The following KLHL15 variants were observed in gnomAD, a reference collection of about 807,000 sequenced individuals.
KLHL15 encodes kelch like family member 15, also known as kelch-like protein 15.
KLHL15 carries 1 observed loss-of-function variant against 29.3 expected under a neutral mutation model. The observed-to-expected ratio is 0.03, with a 90% CI of 0.01 to 0.16. The LOEUF is 0.16. Among genes scored for constraint, KLHL15 ranks in the 10% least tolerant of loss-of-function variants. The pLI is 1.00. For missense variants in KLHL15, 215 were observed against 478.5 expected, an observed-to-expected ratio of 0.45 and a Z score of 5.14; for synonymous variants, 212 against 184.5, an observed-to-expected ratio of 1.15 and a Z score of -1.21.
chrX:24,021,999 C>T (rs963352467), intron 2 of KLHL15, among the ~76,000 whole-genome samples: 1 of 111,522 alleles, frequency 9.0e-6, no homozygotes, highest in African/African-American at 3.3e-5. Flanking sequence ...CCACCTACAT[C>T]ATTTGCGGGG....
chrX:24,002,608 T>G (rs1383353823), intron 3 of KLHL15, among the ~76,000 whole-genome samples: 1 of 109,553 alleles, frequency 9.1e-6, no homozygotes, highest in Non-Finnish European at 1.9e-5. Context: ...GCTATGTTTT[T>G]TTTTTTTTTT....
chrX:23,991,601 A>G (rs984358216), intron 3 of KLHL15, among the ~76,000 whole-genome samples: 11 of 111,759 alleles, frequency 9.8e-5, no homozygotes, highest in Non-Finnish European at 1.7e-4. Flanking sequence ...CAGCACTTTG[A>G]CAGGCCGAGG....
chrX:23,995,107 TACAC>T (rs776165981), intron 3 of KLHL15, among the ~76,000 whole-genome samples: 2 of 111,344 alleles, frequency 1.8e-5, no homozygotes, highest in African/African-American at 6.5e-5. Flanking sequence ...TGTATACACA[TACAC>T]ACACACACGC....
At chrX:24,023,445 G>C (rs897572441) in intron 2 of KLHL15, among the ~76,000 whole-genome samples, 5 of 111,987 alleles carry the variant, frequency 4.5e-5, no homozygotes, top group African/African-American at 1.6e-4. Context: ...ACTGGTATTG[G>C]ACTAGAGGAT....
intron 3 of KLHL15, 54 bp downstream of exon 3, chrX:24,005,935 T>C: frequency 1.1e-6 from 1 of 915,459 alleles, no homozygotes; most frequent in Non-Finnish European, 1.5e-6. Context: ...TATAAAGACA[T>C]ACACTGCCTT....
At chrX:24,008,860 C>T in intron 2 of KLHL15, among the ~76,000 whole-genome samples, 1 of 93,210 alleles carries the variant, frequency 1.1e-5, no homozygotes, top group African/African-American at 4.7e-5. Context: ...GCTCTACTCC[C>T]ACGCGTGTTA....
chrX:24,010,057 A>C (rs139505434), intron 2 of KLHL15, among the ~76,000 whole-genome samples: 1 of 109,752 alleles, frequency 9.1e-6, no homozygotes, highest in African/African-American at 3.3e-5. Context: ...CAATGTTCAC[A>C]TAAGATCAGC....
intron 3 of KLHL15, among the ~76,000 whole-genome samples, chrX:23,999,487 C>T: frequency 9.4e-6 from 1 of 105,974 alleles, no homozygotes; most frequent in Middle Eastern, 5.0e-3. Context: ...CCCAGCTACT[C>T]GGGAGGCTGA....
chrX:24,002,852 T>G (rs1929358168), intron 3 of KLHL15, among the ~76,000 whole-genome samples: 1 of 112,288 alleles, frequency 8.9e-6, no homozygotes, highest in African/African-American at 3.2e-5. Context: ...GTTCCCCAAC[T>G]CCTGGGCTCA....
chrX:24,014,932 T>A (rs775594364), intron 2 of KLHL15, among the ~76,000 whole-genome samples: 1 of 112,350 alleles, frequency 8.9e-6, no homozygotes, highest in South Asian at 3.7e-4. Flanking sequence ...GGCACCCACT[T>A]CTGTCTGCCA....
intron 2 of KLHL15, among the ~76,000 whole-genome samples, chrX:24,012,469 T>C (rs1321482398): frequency 9.0e-6 from 1 of 111,404 alleles, no homozygotes; most frequent in Non-Finnish European, 1.9e-5. Context: ...GGCTCACTTT[T>C]CTTGAGCTAC....
chrX:23,989,502 C>T (rs774661705), intron 3 of KLHL15, among the ~76,000 whole-genome samples: 3 of 111,436 alleles, frequency 2.7e-5, no homozygotes, highest in South Asian at 3.7e-4. Flanking sequence ...TTATAATGAT[C>T]TATGTACATT....
rs1929022707 is a variant in KLHL15 at position 23,988,456 on chromosome X, T to C, written c.1280A>G (p.Lys427Arg). ...YGHEGTVLNN[K>R]LFITGGITSS... The stretch of plus-strand genomic sequence containing the variant: ...GGTGATTCCACCGGTGATAAACAAT[T>C]TGTTATTGAGCACTGTCCCCTCATG... Residue 427 changes from lysine to arginine, a missense_variant, in exon 4 of 4, where the codon AAA becomes AGA. Transcript: ENST00000328046. 3.3e-6 allele frequency: 4 copies of C among 1,209,672 alleles called. No homozygotes were observed. In the Admixed American group the frequency reaches 8.8e-5, roughly 26 times the overall value.
At chrX:24,017,642 G>A (rs767933368) in intron 2 of KLHL15, among the ~76,000 whole-genome samples, 12 of 109,007 alleles carry the variant, frequency 1.1e-4, no homozygotes, top group African/African-American at 3.7e-4. Context: ...TTAGTCAGAC[G>A]TGGTGGTGTG....
intron 2 of KLHL15, among the ~76,000 whole-genome samples, chrX:24,010,078 CTG>C (rs1270638869): frequency 9.1e-6 from 1 of 109,965 alleles, no homozygotes; most frequent in East Asian, 2.9e-4. Flanking sequence ...CATCCAAAAA[CTG>C]TAAGTCAAAA....
chrX:24,022,877 G>A (rs1929842261), intron 2 of KLHL15, among the ~76,000 whole-genome samples: 1 of 108,015 alleles, frequency 9.3e-6, no homozygotes, highest in African/African-American at 3.4e-5. Flanking sequence ...TGGGATTACA[G>A]GCGCCCGCCA....
At chrX:24,021,284 C>G (rs1289313318) in intron 2 of KLHL15, among the ~76,000 whole-genome samples, 3 of 110,790 alleles carry the variant, frequency 2.7e-5, no homozygotes, top group Non-Finnish European at 5.7e-5. Context: ...AACTTAAGGC[C>G]TCTCTACACC....
In KLHL15 at chrX:23,988,764, G is replaced by A. The variant is rs144704626; in HGVS notation, c.972C>T (p.Ile324=). 7.4e-6 allele frequency: 9 copies of A among 1,210,066 alleles called. No homozygotes were observed. The highest frequency in any genetic ancestry group is 1.0e-5 in the Non-Finnish European group (9 of 895,325). Residue 324 remains isoleucine, a synonymous_variant, in exon 4 of 4, where the codon ATC becomes ATT. Transcript: ENST00000328046. ...QVPLRPDCLA[I]VNNFVFLLGG... is the part of the protein sequence containing the mutation. ...CTAACAGGAACACAAAATTATTGAC[G>A]ATAGCAAGGCAGTCAGGTCGCAGAG...
chrX:24,002,088 G>A (rs1229071638), intron 3 of KLHL15, among the ~76,000 whole-genome samples: 1 of 109,997 alleles, frequency 9.1e-6, no homozygotes, highest in Non-Finnish European at 1.9e-5. Context: ...AGCTGAGATC[G>A]CGCCACTGTA....
Sources: allele counts gnomAD v4.1 joint callset (sites outside exome capture counted in the v4.1 genomes callset), GRCh38; gene constraint gnomAD v4.1.1; transcripts MANE v1.5; gene names NCBI Gene and HGNC (gene_info 2026-07-23, HGNC 2026-07-21).